SLC44A5: variants seen among roughly 807,000 people sequenced by gnomAD.
The protein encoded by SLC44A5 is solute carrier family 44 member 5, also known as choline transporter-like protein 5.
SLC44A5 carries 57 observed loss-of-function variants against 101.8 expected under a neutral mutation model. The ratio of observed to expected loss-of-function variants is 0.56; its 90% CI spans 0.45 to 0.70. The LOEUF is 0.70. Ranked by LOEUF, SLC44A5 falls within the 30% of genes least tolerant of loss-of-function variation. The pLI, the probability that SLC44A5 is intolerant of heterozygous loss-of-function variation, is 0.00. For synonymous variants in SLC44A5, 281 were observed against 290.9 expected (o/e 0.97, Z 0.35); for missense variants, 737 against 853.1 (o/e 0.86, Z 1.70).
At chr1:75,340,586 A>C (rs1269123659) in intron 3 of SLC44A5, among the ~76,000 whole-genome samples, 1 of 152,178 alleles carries the variant, frequency 6.6e-6, no homozygotes, top group Non-Finnish European at 1.5e-5. Context: ...GATAATATTA[A>C]AAGTGTTTAA....
intron 23 of SLC44A5, among the ~76,000 whole-genome samples, chr1:75,210,570 C>T (rs1039209021): frequency 1.3e-5 from 2 of 152,198 alleles, no homozygotes; most frequent in African/African-American, 4.8e-5. Context: ...CTTGAAACCA[C>T]CTTGTCATCT....
the SLC44A5 span, among the ~76,000 whole-genome samples, chr1:75,699,421 G>A: frequency 5.3e-5 from 8 of 151,884 alleles, no homozygotes; most frequent in Admixed American, 5.2e-4. Flanking sequence ...AAGTGAAGGA[G>A]AAATAAAGTA....
At position 75,398,022 on chromosome 1, in the gene SLC44A5, T is replaced by A. The variant is rs566220218; in HGVS notation, c.14-1401A>T. Among the ~76,000 whole-genome samples the A allele has an allele frequency of 7.9e-5, 12 of 152,240 alleles. No individual in the cohort carries two copies. In the South Asian group the frequency reaches 8.3e-4, roughly 11 times the overall value. On this transcript the variant is annotated intron_variant, in intron 2 of 23. Coordinates refer to ENST00000370859, the MANE Select transcript of SLC44A5 (RefSeq NM_001130058.2). ...CCCAAAATATAAAATGGCCATCCCT[T>A]GCTGATTTTCTTAAAATAGTATGTA...
At chr1:75,334,694 T>C (rs1657307850) in intron 4 of SLC44A5, among the ~76,000 whole-genome samples, 1 of 152,152 alleles carries the variant, frequency 6.6e-6, no homozygotes, top group South Asian at 2.1e-4. Flanking sequence ...CCATGGCACA[T>C]CCAGGTAGAA....
chr1:75,388,483 C>G (rs992077627), intron 3 of SLC44A5, among the ~76,000 whole-genome samples: 9 of 152,086 alleles, frequency 5.9e-5, no homozygotes, highest in Non-Finnish European at 1.2e-4. Context: ...ACAACAGGAT[C>G]AAAACCTCAC....
intron 6 of SLC44A5, among the ~76,000 whole-genome samples, chr1:75,267,174 C>T (rs1651065755): frequency 6.6e-6 from 1 of 152,142 alleles, no homozygotes; most frequent in African/African-American, 2.4e-5. Flanking sequence ...CCAATGCATG[C>T]TTCTCCTACA....
At chr1:75,313,038 A>T (rs1655428226) in intron 4 of SLC44A5, among the ~76,000 whole-genome samples, 1 of 152,202 alleles carries the variant, frequency 6.6e-6, no homozygotes, top group Non-Finnish European at 1.5e-5. Context: ...AGTTAGATTT[A>T]TCTTGACCAG....
At chr1:75,251,429 C>T in intron 6 of SLC44A5, 135 bp from the exon 7 acceptor site, 1 of 634,960 alleles carries the variant, frequency 1.6e-6, no homozygotes, top group Non-Finnish European at 2.7e-6. Context: ...TATTCTCCCT[C>T]TCCCTTAGGT....
the SLC44A5 span, among the ~76,000 whole-genome samples, chr1:75,682,035 T>A: frequency 2.0e-5 from 3 of 152,024 alleles, no homozygotes; most frequent in Non-Finnish European, 2.9e-5. Flanking sequence ...TACCTAGGAA[T>A]CCAACTTACA....
intron 1 of SLC44A5, among the ~76,000 whole-genome samples, chr1:75,591,072 C>G (rs1213538737): frequency 6.6e-6 from 1 of 152,138 alleles, no homozygotes; most frequent in Non-Finnish European, 1.5e-5. Context: ...TGGCTCAGAA[C>G]AGAGAGAGAC....
chr1:75,289,962 T>C (rs183218674), intron 5 of SLC44A5, among the ~76,000 whole-genome samples: 2 of 152,352 alleles, frequency 1.3e-5, no homozygotes, highest in South Asian at 2.1e-4. Context: ...GATACGTTTG[T>C]CTCACGTAGC....
intron 3 of SLC44A5, among the ~76,000 whole-genome samples, chr1:75,390,640 G>GT (rs985195352): frequency 2.6e-5 from 4 of 151,828 alleles, no homozygotes; most frequent in African/African-American, 9.7e-5. Context: ...AAAACTCTCA[G>GT]TTTTTTAAAA....
intron 2 of SLC44A5, among the ~76,000 whole-genome samples, chr1:75,525,168 A>G (rs1670343184): frequency 6.6e-6 from 1 of 152,188 alleles, no homozygotes. Context: ...TTGTTGAGAT[A>G]CTCACAAGGT....
the SLC44A5 span, among the ~76,000 whole-genome samples, chr1:75,707,651 T>C: frequency 6.6e-6 from 1 of 152,224 alleles, no homozygotes; most frequent in Non-Finnish European, 1.5e-5. Flanking sequence ...TCTGCTTTAC[T>C]TGATAATCTT....
chr1:75,328,843 GC>G (rs1176667662), intron 4 of SLC44A5, among the ~76,000 whole-genome samples: 1 of 152,124 alleles, frequency 6.6e-6, no homozygotes, highest in East Asian at 1.9e-4. Context: ...ATGCTCACGT[GC>G]TGTGATCCGC....
chr1:75,529,666 T>A (rs909710478), intron 2 of SLC44A5, among the ~76,000 whole-genome samples: 53 of 152,190 alleles, frequency 3.5e-4, no homozygotes, highest in Non-Finnish European at 8.8e-5. Context: ...AAAAATTGCA[T>A]CTCTTTGGAA....
At chr1:75,342,939 C>T (rs1657991402) in intron 3 of SLC44A5, among the ~76,000 whole-genome samples, 2 of 152,000 alleles carry the variant, frequency 1.3e-5, no homozygotes, top group African/African-American at 4.8e-5. Flanking sequence ...ATTACTTCAC[C>T]CTGCCCCCAT....
intron 7 of SLC44A5, among the ~76,000 whole-genome samples, chr1:75,247,103 G>C (rs1376252428): frequency 6.6e-6 from 1 of 152,006 alleles, no homozygotes; most frequent in Non-Finnish European, 1.5e-5. Context: ...GGATAAGGGG[G>C]CAAGGACAGA....
At chr1:75,504,836 T>C (rs1051673042) in intron 2 of SLC44A5, among the ~76,000 whole-genome samples, 30 of 152,140 alleles carry the variant, frequency 2.0e-4, no homozygotes, top group African/African-American at 6.8e-4. Context: ...ATTATTTCCC[T>C]TTTTTATAAT....
Sources: allele counts gnomAD v4.1 joint callset (sites outside exome capture counted in the v4.1 genomes callset), GRCh38; gene constraint gnomAD v4.1.1; transcripts MANE v1.5; gene names NCBI Gene and HGNC (gene_info 2026-07-23, HGNC 2026-07-21).